USH2A: variants seen among roughly 807,000 people sequenced by gnomAD.
The protein encoded by USH2A is usherin.
Under a neutral mutation model 538.9 loss-of-function variants are expected in USH2A, and 443 were observed. The ratio of observed to expected loss-of-function variants is 0.82; its 90% confidence interval spans 0.76 to 0.89. USH2A has a LOEUF of 0.89. Among genes scored for constraint, USH2A ranks in the 40% least tolerant of loss-of-function variants. The probability of loss-of-function intolerance (pLI) is 0.00; values close to 1 mark genes in which losing one functional copy is unlikely to be tolerated. For synonymous variants in USH2A, 2,413 were observed against 2,273.5 expected, an observed-to-expected ratio of 1.06 and a Z score of -1.75; for missense variants, 6,633 against 6,324.8, an observed-to-expected ratio of 1.05 and a Z score of -1.65.
chr1:215,986,319 T>TC (rs1322673895), intron 35 of USH2A, among the ~76,000 whole-genome samples: 292 of 149,838 alleles, frequency 1.9e-3, no homozygotes, highest in African/African-American at 6.7e-3. Context: ...TCTTTTTTTT[T>TC]TTTTTTTGGT....
chr1:216,076,966 AT>A (rs1166885959), intron 27 of USH2A, among the ~76,000 whole-genome samples: 1 of 152,152 alleles, frequency 6.6e-6, no homozygotes, highest in Non-Finnish European at 1.5e-5. Flanking sequence ...AAAAGAGAGC[AT>A]TGACTGTAAA....
At chr1:215,743,147 G>A (rs1397931008) in intron 59 of USH2A, 30 bp downstream of exon 59, 1 of 1,603,340 alleles carries the variant, frequency 6.2e-7, no homozygotes, top group Admixed American at 1.7e-5. Context: ...TTTCATAAAA[G>A]CCCAGGCCAA....
chr1:216,093,166 T>C (rs1015371413), intron 22 of USH2A, among the ~76,000 whole-genome samples: 4 of 152,078 alleles, frequency 2.6e-5, no homozygotes, highest in Non-Finnish European at 4.4e-5. Flanking sequence ...GGTTTCACCA[T>C]CTTAGCCAGG....
chr1:216,217,670 A>AGCT, intron 14 of USH2A, 120 bp from the exon 15 acceptor site: 1 of 1,162,232 alleles, frequency 8.6e-7, no homozygotes, highest in South Asian at 1.4e-5. Flanking sequence ...CAATATATTG[A>AGCT]AAAGAATGCT....
At chr1:216,088,414 C>T (rs1292787154) in intron 23 of USH2A, among the ~76,000 whole-genome samples, 2 of 152,100 alleles carry the variant, frequency 1.3e-5, no homozygotes, top group African/African-American at 2.4e-5. Flanking sequence ...GTATCCAGAG[C>T]ACCTAGAACA....
chr1:216,157,833 C>A (rs537290931), intron 21 of USH2A, among the ~76,000 whole-genome samples: 2 of 152,136 alleles, frequency 1.3e-5, no homozygotes, highest in African/African-American at 4.8e-5. Flanking sequence ...ATTGGAAAAA[C>A]TACCTATTGG....
intron 20 of USH2A, among the ~76,000 whole-genome samples, chr1:216,188,468 T>C (rs1043189924): frequency 4.0e-5 from 6 of 151,814 alleles, no homozygotes; most frequent in Non-Finnish European, 8.8e-5. Context: ...ACCACCATGA[T>C]ATGCAGCCTA....
chr1:215,880,686 G>C (rs1485122240), intron 41 of USH2A, among the ~76,000 whole-genome samples: 1 of 151,970 alleles, frequency 6.6e-6, no homozygotes, highest in Admixed American at 6.6e-5. Flanking sequence ...ATTTGTAACA[G>C]AAATGAAAAA....
chr1:215,727,879 T>C, intron 61 of USH2A, 151 bp downstream of exon 61: 1 of 887,392 alleles, frequency 1.1e-6, no homozygotes. Flanking sequence ...CAGTATCTTA[T>C]CCCCGTGACT....
intron 49 of USH2A, among the ~76,000 whole-genome samples, chr1:215,806,851 T>C (rs573058473): frequency 6.6e-6 from 1 of 152,210 alleles, no homozygotes; most frequent in East Asian, 1.9e-4. Flanking sequence ...AAATCTATAC[T>C]TAGCATTTTT....
chr1:216,069,957 C>T (rs910238339), intron 30 of USH2A, 144 bp downstream of exon 30: 23 of 979,466 alleles, frequency 2.3e-5, no homozygotes, highest in Non-Finnish European at 3.4e-5. Context: ...GCTTCCACTA[C>T]TTTAGATGGG....
At chr1:216,399,209 G>A (rs988891221) in intron 3 of USH2A, among the ~76,000 whole-genome samples, 3 of 152,140 alleles carry the variant, frequency 2.0e-5, no homozygotes, top group African/African-American at 4.8e-5. Flanking sequence ...ACAAGGACAC[G>A]AGAGTCAGGG....
intron 20 of USH2A, among the ~76,000 whole-genome samples, chr1:216,183,987 G>T (rs747104555): frequency 6.6e-6 from 1 of 151,906 alleles, no homozygotes; most frequent in Non-Finnish European, 1.5e-5. Context: ...TCTGTTGAAA[G>T]AGCAAAACAA....
At chr1:216,000,595 G>A in intron 32 of USH2A, 33 bp from the exon 33 acceptor site, 1 of 1,611,664 alleles carries the variant, frequency 6.2e-7, no homozygotes, top group Non-Finnish European at 8.5e-7. Flanking sequence ...AATTTACTCA[G>A]CATTATACTT....
At chr1:215,905,683 T>TCATC (rs1665623500) in intron 38 of USH2A, among the ~76,000 whole-genome samples, 1 of 152,042 alleles carries the variant, frequency 6.6e-6, no homozygotes, top group African/African-American at 2.4e-5. Flanking sequence ...TATCAGTTGT[T>TCATC]CATCCAGGTT....
At chr1:215,771,057 G>A (rs1482947149) in intron 55 of USH2A, among the ~76,000 whole-genome samples, 1 of 151,232 alleles carries the variant, frequency 6.6e-6, no homozygotes, top group East Asian at 2.0e-4. Flanking sequence ...AACCTGGGAG[G>A]CAGAGGTTGC....
At chr1:215,986,076 T>C (rs1571867327) in intron 35 of USH2A, among the ~76,000 whole-genome samples, 3 of 152,104 alleles carry the variant, frequency 2.0e-5, no homozygotes, top group African/African-American at 4.8e-5. Flanking sequence ...CTCAAGAAGA[T>C]GCTAGACCAT....
intron 58 of USH2A, among the ~76,000 whole-genome samples, chr1:215,756,203 T>C (rs904811498): frequency 5.3e-5 from 8 of 152,160 alleles, no homozygotes; most frequent in Admixed American, 3.9e-4. Flanking sequence ...ACTTCACAGA[T>C]GGAGAAAATT....
intron 16 of USH2A, among the ~76,000 whole-genome samples, chr1:216,204,749 T>C (rs2035075509): frequency 6.6e-6 from 1 of 152,132 alleles, no homozygotes; most frequent in African/African-American, 2.4e-5. Flanking sequence ...GCACTAGAAA[T>C]AGAGTAATAA....
Sources: allele counts gnomAD v4.1 joint callset (sites outside exome capture counted in the v4.1 genomes callset), GRCh38; gene constraint gnomAD v4.1.1; transcripts MANE v1.5; gene names NCBI Gene and HGNC (gene_info 2026-07-23, HGNC 2026-07-21).